Variants in CYP4F22 observed in about 807,000 individuals in gnomAD.
The protein encoded by CYP4F22 is ultra-long-chain fatty acid omega-hydroxylase.
In CYP4F22, 37 loss-of-function variants were observed where a neutral mutation model predicts 60.4. The ratio of observed to expected loss-of-function variants is 0.61; its 90% CI spans 0.47 to 0.81. CYP4F22 has a LOEUF of 0.81. CYP4F22 is among the 30% of genes least tolerant of loss of function. The pLI is 0.00. For synonymous variants in CYP4F22, 258 were observed against 280.5 expected (o/e 0.92, Z 0.80); for missense variants, 655 against 715.0 (o/e 0.92, Z 0.96).
Position 15,544,043 on chromosome 19 carries a change from G to C in CYP4F22, c.1006+6G>C. The C allele has an allele frequency of 6.2e-7, 1 of 1,614,152 alleles. No homozygotes were observed. ...AGACACCTTCATGTTTGAGGGTGAG[G>C]ATGTGGGGTGAGGCTGGAGGAGGGC... On this transcript the variant is annotated splice_donor_region_variant and intron_variant, in intron 9 of 13. Coordinates refer to ENST00000269703, the MANE Select transcript of CYP4F22 (RefSeq NM_173483.4).
At chr19:15,545,648 C>CAAAAAAAAAAAAAAAAAAAAAAAA (rs1217096575) in intron 10 of CYP4F22, among the ~76,000 whole-genome samples, 2 of 38,950 alleles carry the variant, frequency 5.1e-5, no homozygotes, top group Non-Finnish European at 9.2e-5. Context: ...GACCCTGTCT[C>CAAAAAAAAAAAAAAAAAAAAAAAA]AAAAAAAAAA....
intron 1 of CYP4F22, among the ~76,000 whole-genome samples, chr19:15,515,137 C>T (rs1174638890): frequency 6.6e-6 from 1 of 152,190 alleles, no homozygotes. Flanking sequence ...AGCCAGGTCA[C>T]CGAGTGGCCG....
At chr19:15,538,958 C>T (rs1599808174) in intron 7 of CYP4F22, among the ~76,000 whole-genome samples, 1 of 152,190 alleles carries the variant, frequency 6.6e-6, no homozygotes, top group Non-Finnish European at 1.5e-5. Flanking sequence ...TGCATGAAAA[C>T]AAGCCCACTT....
intron 4 of CYP4F22, 95 bp downstream of exon 4, chr19:15,529,948 T>A: frequency 6.5e-7 from 1 of 1,537,638 alleles, no homozygotes; most frequent in South Asian, 1.1e-5. Flanking sequence ...GGAAGGGTCA[T>A]TTGAATAGGG....
rs1599807008 is a variant in CYP4F22, at chr19:15,537,802, G to T, written c.550-70G>T. On this transcript the variant is annotated intron_variant, in intron 6 of 13. Coordinates refer to ENST00000269703, the MANE Select transcript of CYP4F22 (RefSeq NM_173483.4). ...AAAATGAGCTTGTAGTGAAAACGCA[G>T]TCGGGTCCTTGTTAGGCTGACTCCC... 9.3e-6 allele frequency: 15 copies of T among 1,611,286 alleles called. No homozygotes were observed. In the East Asian group the frequency reaches 3.3e-4, roughly 36 times the overall value.
intron 1 of CYP4F22, among the ~76,000 whole-genome samples, chr19:15,518,484 C>CAAAAA (rs56987005): frequency 1.5e-5 from 2 of 134,126 alleles, no homozygotes; most frequent in East Asian, 4.3e-4. Flanking sequence ...ACCAAAAATA[C>CAAAAA]AAAAAAAAAA....
intron 1 of CYP4F22, among the ~76,000 whole-genome samples, chr19:15,513,361 ATTTT>A (rs1216724764): frequency 1.6e-5 from 2 of 121,260 alleles, no homozygotes; most frequent in Non-Finnish European, 3.3e-5. Context: ...ATATATATAT[ATTTT>A]TTTTTTTTTT....
intron 1 of CYP4F22, among the ~76,000 whole-genome samples, chr19:15,518,813 C>T (rs1245039501): frequency 2.0e-5 from 3 of 151,680 alleles, no homozygotes; most frequent in African/African-American, 7.3e-5. Flanking sequence ...GAGGAAGATC[C>T]CTCTGGCTGT....
At chr19:15,529,976 G>A (rs1971325347) in intron 4 of CYP4F22, 123 bp downstream of exon 4, 1 of 1,408,756 alleles carries the variant, frequency 7.1e-7, no homozygotes, top group South Asian at 1.2e-5. Context: ...GGATGAATAA[G>A]AGTTTGGCAA....
chr19:15,531,532 C>T (rs1444171986), intron 4 of CYP4F22, among the ~76,000 whole-genome samples: 1 of 152,192 alleles, frequency 6.6e-6, no homozygotes, highest in Non-Finnish European at 1.5e-5. Context: ...ACAGCTATTC[C>T]CTCTCAATGC....
At chr19:15,541,837 G>A (rs1412068192) in intron 8 of CYP4F22, among the ~76,000 whole-genome samples, 1 of 143,000 alleles carries the variant, frequency 7.0e-6, no homozygotes, top group Non-Finnish European at 1.5e-5. Context: ...CTGAGATCAT[G>A]CCATTGCACT....
chr19:15,537,024 C>A (rs990269366), intron 4 of CYP4F22, among the ~76,000 whole-genome samples: 10 of 152,138 alleles, frequency 6.6e-5, no homozygotes, highest in Non-Finnish European at 1.5e-4. Flanking sequence ...TGAGGCCAGG[C>A]ACGATGGCTC....
At chr19:15,515,384 G>A (rs373633797) in intron 1 of CYP4F22, 9 of 1,240,328 alleles carry the variant, frequency 7.3e-6, no homozygotes, top group Non-Finnish European at 1.0e-5. Flanking sequence ...CCTGTTCTTG[G>A]CATCTCTGTA....
chr19:15,521,536 T>G lies in CYP4F22; in HGVS notation c.-108-2157T>G, dbSNP rs142090340. ...CATGAGCCACCCCGCCCAGCCTACT[T>G]CCACGTTTTAGTGATTATGACTTGT... is the stretch of plus-strand genomic sequence containing the variant. On this transcript the variant is annotated intron_variant, in intron 1 of 13. Transcript: ENST00000269703. 5.3e-4 allele frequency among the ~76,000 whole-genome samples: 81 copies of G among 152,236 alleles called. 1 individual carries two copies. Among genetic ancestry groups the G allele is most frequent in the African/African-American group, 1.8e-3 (76 of 41,556 alleles).
In CYP4F22 at chr19:15,551,288, C is replaced by T; in HGVS notation, c.1419-6C>T. On this transcript the variant is annotated splice_region_variant and splice_polypyrimidine_tract_variant and intron_variant, in intron 13 of 13. Transcript: ENST00000269703. ...TGGGCCTGAGCCCTGTCCCCTCTTC[C>T]TCCAGGAATTGCATCGGACAGAGCT... 1 of 1,610,880 alleles carries T rather than the reference C, an allele frequency of 6.2e-7. No homozygotes were observed. The highest frequency in any genetic ancestry group is 8.5e-7 in the Non-Finnish European group (1 of 1,178,642).
chr19:15,512,856 CAT>C (rs937368399), intron 1 of CYP4F22, among the ~76,000 whole-genome samples: 27 of 152,124 alleles, frequency 1.8e-4, no homozygotes, highest in African/African-American at 5.8e-4. Context: ...GAATGGGTGA[CAT>C]GTGCTCATGG....
At position 15,540,499 on chromosome 19, in the gene CYP4F22, G is replaced by C. The variant is rs371788862; in HGVS notation, c.721G>C (p.Val241Leu). 184 of 1,614,080 alleles carry C rather than the reference G, an allele frequency of 1.1e-4. 1 individual carries two copies. The highest frequency in any genetic ancestry group is 1.5e-4 in the Non-Finnish European group (177 of 1,180,056). The change falls in exon 8 of 14, where the codon GTC becomes CTC. Residue 241 changes from valine (V) to leucine (L), a missense_variant. This residue lies in a region of CYP4F22 where 430 missense variants were observed against 457.1 expected (regional missense o/e 0.94). Coordinates refer to ENST00000269703, the MANE Select transcript of CYP4F22 (RefSeq NM_173483.4). ...SAIIELSALS[V>L]RRQYRLHHYL... is the part of the protein sequence containing the mutation. ...TATCATTGAACTGAGCGCTCTGTCT[G>C]TCCGGCGCCAGTATCGCTTGCACCA...
At chr19:15,531,595 T>G (rs987800243) in intron 4 of CYP4F22, among the ~76,000 whole-genome samples, 1 of 152,100 alleles carries the variant, frequency 6.6e-6, no homozygotes, top group Non-Finnish European at 1.5e-5. Flanking sequence ...CCTGTTGAAC[T>G]AAGGGGAAAA....
In CYP4F22 at chr19:15,541,560, C is replaced by T. The variant is rs139624125; in HGVS notation, c.939+843C>T. Among the ~76,000 whole-genome samples the T allele has an allele frequency of 1.1e-3, 160 of 152,214 alleles. 1 individual carries two copies. The highest frequency in any genetic ancestry group is 6.8e-3 in the Middle Eastern group (2 of 294). ...GAGGGGGGGTGGGCAGGGAACCATT[C>T]AGCTCATCACAATTGCAAAAATGAA... is the stretch of plus-strand genomic sequence containing the variant. On this transcript the variant is annotated intron_variant, in intron 8 of 13. Transcript: ENST00000269703.
Sources: gnomAD v4.1 joint callset for allele counts (sites outside exome capture counted in the v4.1 genomes callset) on GRCh38, gnomAD v4.1.1 for gene constraint, gnomAD v4.1.1 regional missense constraint, MANE v1.5 for transcripts, NCBI Gene and HGNC (gene_info 2026-07-23, HGNC 2026-07-21) for gene names.